The following VIRMA variants were observed in gnomAD, a reference collection of about 807,000 sequenced individuals.
VIRMA encodes the protein vir like m6A methyltransferase associated.
A neutral mutation model predicts 182.4 loss-of-function variants in VIRMA; 65 were observed. That is an observed-to-expected ratio of 0.36 (90% CI 0.29 to 0.44). The LOEUF (loss-of-function observed/expected upper bound fraction) is 0.44, where lower values mean the gene tolerates loss of function less well. Ranked by LOEUF, VIRMA falls within the 20% of genes least tolerant of loss-of-function variation. The pLI is 1.00. For missense variants in VIRMA, 1,752 were observed against 2,158.1 expected (o/e 0.81, Z 3.73); for synonymous variants, 709 against 743.1 (o/e 0.95, Z 0.75).
At chr8:94,535,230 C>T (rs1414628248) in intron 4 of VIRMA, among the ~76,000 whole-genome samples, 1 of 152,144 alleles carries the variant, frequency 6.6e-6, no homozygotes, top group Non-Finnish European at 1.5e-5. Flanking sequence ...ATCTCCCAGT[C>T]CTATGCTTTA....
Position 94,499,407 on chromosome 8 carries a change from T to C in VIRMA, c.4197A>G (p.Glu1399=). ...DTGELASSFL[E]FMRQILNSDT... is the part of the protein sequence containing the mutation. ...CAGAGTTAAGAATTTGTCTCATAAA[T>C]TCTAAAAATGAAGATGCAAGCTCTC... Residue 1399 remains glutamate, a synonymous_variant, in exon 17 of 24, where the codon GAA becomes GAG. Coordinates refer to ENST00000297591, the MANE Select transcript of VIRMA (RefSeq NM_015496.5). The C allele has an allele frequency of 6.3e-7, 1 of 1,595,438 alleles. No individual in the cohort carries two copies.
At chr8:94,511,086 G>A in intron 13 of VIRMA, 99 bp downstream of exon 13, 2 of 1,484,380 alleles carry the variant, frequency 1.3e-6, no homozygotes, top group South Asian at 2.9e-5. Flanking sequence ...TTTTTGGGAG[G>A]AAGGGAGATG....
At position 94,553,434 on chromosome 8, in the gene VIRMA, G is replaced by C. The variant is rs750226620; in HGVS notation, c.14C>G (p.Ser5Trp). The C allele has an allele frequency of 8.7e-6, 14 of 1,614,082 alleles. No individual in the cohort carries two copies. The highest frequency in any genetic ancestry group is 1.2e-5 in the Non-Finnish European group (14 of 1,180,048). Residue 5 changes from serine to tryptophan, a missense_variant, in exon 1 of 24, where the codon TCG becomes TGG. Coordinates refer to ENST00000297591, the MANE Select transcript of VIRMA (RefSeq NM_015496.5). ...ATCTAAAAATAACAGCTCCATCGCC[G>C]AGTCCACCGCCATGTTTGCCGCGGG... MAVD[S>W]AMELLFLDTF... is the part of the protein sequence containing the mutation.
At position 94,511,178 on chromosome 8, in the gene VIRMA, G is replaced by T; in HGVS notation, c.3390+7C>A. ...TTTATAAGATGCATGTTATATGGAA[G>T]TGATACCTGAGTTGTTTGCATGGGC... On this transcript the variant is annotated splice_region_variant and intron_variant, in intron 13 of 23. Transcript: ENST00000297591. 1 of 1,611,200 alleles carries T rather than the reference G, an allele frequency of 6.2e-7. No individual in the cohort carries two copies. Among genetic ancestry groups the T allele is most frequent in the African/African-American group, 1.3e-5 (1 of 74,788 alleles).
At chr8:94,496,006 G>T in intron 18 of VIRMA, 115 bp from the exon 19 acceptor site, 1 of 859,196 alleles carries the variant, frequency 1.2e-6, no homozygotes, top group South Asian at 2.0e-5. Flanking sequence ...TTGGAACACT[G>T]TCCAGAAATT....
intron 1 of VIRMA, 140 bp from the exon 2 acceptor site, chr8:94,544,082 A>G: frequency 3.6e-6 from 2 of 558,486 alleles, no homozygotes; most frequent in Non-Finnish European, 6.4e-6. Flanking sequence ...TATATTATTT[A>G]CAGTGTTGTA....
Position 94,526,966 on chromosome 8 carries a change from G to A in VIRMA, c.1278C>T (p.Asp426=), listed in dbSNP as rs760508574. Reference sequence around the variant, plus strand: ...TCCAGTCTACCAACTGGCCAAGGGAGTCTTGTTTTGTGTTTTTCAATTGCA... The same window carrying A: ...TCCAGTCTACCAACTGGCCAAGGGAATCTTGTTTTGTGTTTTTCAATTGCA... ...SYLQLKNTKQ[D]SLGQLVDWTM... is the part of the protein sequence containing the mutation. Residue 426 remains aspartate, a synonymous_variant, in exon 8 of 24, where the codon GAC becomes GAT. Coordinates refer to ENST00000297591, the MANE Select transcript of VIRMA (RefSeq NM_015496.5). 8 of 1,614,196 alleles carry A rather than the reference G, an allele frequency of 5.0e-6. No individual in the cohort carries two copies. The East Asian group carries it at 1.6e-4, about 31-fold the overall frequency.
Position 94,527,036 on chromosome 8 carries a change from G to A in VIRMA, c.1208C>T (p.Ala403Val), listed in dbSNP as rs778286439. ...TATTAAACTTGGAATTTCTTCTAAA[G>A]CTGTTACCCATTTTGCACCTCTATC... ...REDRGAKWVTALEEIPSLIIK... is the reference protein window; with the variant it reads ...REDRGAKWVTVLEEIPSLIIK... Residue 403 changes from alanine to valine, a missense_variant, in exon 8 of 24, where the codon GCT (alanine) becomes GTT (valine). Coordinates refer to ENST00000297591, the MANE Select transcript of VIRMA (RefSeq NM_015496.5). The A allele has an allele frequency of 1.9e-6, 3 of 1,614,070 alleles. No individual in the cohort carries two copies. Among genetic ancestry groups the A allele is most frequent in the Non-Finnish European group, 2.5e-6 (3 of 1,179,940 alleles).
rs966693554 is a variant in VIRMA, at chr8:94,488,782, C to A, written c.5363G>T (p.Gly1788Val). The A allele has an allele frequency of 1.2e-6, 2 of 1,614,212 alleles. No individual in the cohort carries two copies. The highest frequency in any genetic ancestry group is 1.7e-6 in the Non-Finnish European group (2 of 1,180,016). ...LGPSWASANS[G>V]SGGSRGKFVS... The stretch of plus-strand genomic sequence containing the variant: ...AAACTTTCCTCTTGAGCCTCCACTG[C>A]CGCTATTTGCACTAGCCCAGGAAGG... The change falls in exon 24 of 24, where the codon GGC becomes GTC. Residue 1788 changes from glycine to valine, a missense_variant. By Grantham distance (109) the Gly-to-Val change is moderately radical. This residue lies in a region of VIRMA where 132 missense variants were observed against 173.8 expected (regional missense o/e 0.76). Coordinates refer to ENST00000297591, the MANE Select transcript of VIRMA (RefSeq NM_015496.5).
At chr8:94,549,671 A>G (rs1815902573) in intron 1 of VIRMA, among the ~76,000 whole-genome samples, 1 of 152,250 alleles carries the variant, frequency 6.6e-6, no homozygotes, top group African/African-American at 2.4e-5. Flanking sequence ...CCACTGGGAC[A>G]CAGCATAGCA....
At chr8:94,546,663 C>T (rs938311784) in intron 1 of VIRMA, among the ~76,000 whole-genome samples, 2 of 150,860 alleles carry the variant, frequency 1.3e-5, no homozygotes, top group African/African-American at 5.0e-5. Flanking sequence ...ACCTGTCTCC[C>T]AAGCAGTGTG....
intron 16 of VIRMA, among the ~76,000 whole-genome samples, chr8:94,499,819 T>G (rs1586067350): frequency 6.7e-6 from 1 of 150,182 alleles, no homozygotes; most frequent in African/African-American, 2.5e-5. Flanking sequence ...CCGAAGGTGG[T>G]GGATCACTTG....
chr8:94,538,433 G>C (rs1016352218), intron 2 of VIRMA, 87 bp from the exon 3 acceptor site: 3 of 778,516 alleles, frequency 3.9e-6, no homozygotes, highest in Non-Finnish European at 4.4e-6. Context: ...ACAAAGTTAA[G>C]AGCAATTCTA....
intron 8 of VIRMA, among the ~76,000 whole-genome samples, chr8:94,524,465 C>T (rs1314668698): frequency 6.6e-6 from 1 of 151,950 alleles, no homozygotes; most frequent in African/African-American, 2.4e-5. Context: ...CCACCACACC[C>T]GACTAATTTT....
intron 10 of VIRMA, among the ~76,000 whole-genome samples, chr8:94,516,120 A>G (rs551510857): frequency 3.9e-5 from 6 of 152,254 alleles, no homozygotes; most frequent in Non-Finnish European, 8.8e-5. Flanking sequence ...AAAAATGTAC[A>G]TACCTACAAA....
At chr8:94,546,434 T>C (rs80122848) in intron 1 of VIRMA, among the ~76,000 whole-genome samples, 6,167 of 151,246 alleles carry the variant, frequency 0.041, 242 homozygotes, top group Middle Eastern at 0.051. Context: ...ATTCAAACAC[T>C]AAGTCCTATT....
Position 94,509,914 on chromosome 8 carries a change from T to C in VIRMA, c.3653A>G (p.Tyr1218Cys). 6.2e-7 allele frequency: 1 copy of C among 1,611,280 alleles called. No individual in the cohort carries two copies. The highest frequency in any genetic ancestry group is 8.5e-7 in the Non-Finnish European group (1 of 1,179,190). Residue 1218 changes from tyrosine to cysteine, a missense_variant, in exon 15 of 24, where the codon TAT becomes TGT. Tyr to Cys is a radical substitution (Grantham distance 194). This residue lies in a region of VIRMA where 777 missense variants were observed against 920.6 expected (regional missense o/e 0.84). Transcript: ENST00000297591. Reference sequence around the variant, plus strand: ...AAGCAACCTGGTGGTTTGGCTAGTATACTGTTTTTCTTTATCTTCTGAAGT... The same window carrying C: ...AAGCAACCTGGTGGTTTGGCTAGTACACTGTTTTTCTTTATCTTCTGAAGT... ...QSTSEDKEKQ[Y>C]TSQTTRLLAL... is the part of the protein sequence containing the mutation.
At chr8:94,501,279 A>C (rs2130280958) in intron 16 of VIRMA, among the ~76,000 whole-genome samples, 1 of 143,070 alleles carries the variant, frequency 7.0e-6, no homozygotes, top group East Asian at 2.3e-4. Flanking sequence ...AAAAAAAAAC[A>C]ACCAATAAGG....
At chr8:94,506,743 C>T (rs573334368) in intron 15 of VIRMA, 26 bp from the exon 16 acceptor site, 133 of 1,357,364 alleles carry the variant, frequency 9.8e-5, no homozygotes, top group South Asian at 3.9e-4. Flanking sequence ...AAAAAAAAAT[C>T]GATTTTTTAA....
Sources: allele counts gnomAD v4.1 joint callset (sites outside exome capture counted in the v4.1 genomes callset), GRCh38; gene constraint gnomAD v4.1.1; regional missense constraint gnomAD v4.1.1; transcripts MANE v1.5; gene names NCBI Gene and HGNC (gene_info 2026-07-23, HGNC 2026-07-21).